ENAH: variants seen among roughly 807,000 people sequenced by gnomAD.
ENAH encodes the protein protein enabled homolog.
Under a neutral mutation model 78.7 loss-of-function variants are expected in ENAH, and 23 were observed. The ratio of observed to expected loss-of-function variants is 0.29; its 90% CI spans 0.21 to 0.41. The LOEUF (loss-of-function observed/expected upper bound fraction) is 0.41. Among genes scored for constraint, ENAH ranks in the 10% least tolerant of loss-of-function variants. ENAH has a pLI of 1.00. For synonymous variants in ENAH, 226 were observed against 241.0 expected, an observed-to-expected ratio of 0.94 and a Z score of 0.58; for missense variants, 544 against 691.0, an observed-to-expected ratio of 0.79 and a Z score of 2.39.
intron 2 of ENAH, among the ~76,000 whole-genome samples, chr1:225,561,229 C>G (rs2096703765): frequency 6.6e-6 from 1 of 151,850 alleles, no homozygotes; most frequent in South Asian, 2.1e-4. Context: ...GACTCCGTCT[C>G]AAAAACAAAA....
At chr1:225,607,797 C>T (rs1254021861) in intron 1 of ENAH, among the ~76,000 whole-genome samples, 3 of 152,040 alleles carry the variant, frequency 2.0e-5, no homozygotes, top group African/African-American at 7.2e-5. Context: ...AACAAAACAG[C>T]CTAAAAAAGA....
intron 11 of ENAH, among the ~76,000 whole-genome samples, chr1:225,504,830 A>T (rs2096313067): frequency 6.6e-6 from 1 of 152,240 alleles, no homozygotes; most frequent in Admixed American, 6.5e-5. Flanking sequence ...TTTATCCTTG[A>T]ATCCAACTGT....
At chr1:225,578,398 C>T (rs1020204086) in intron 1 of ENAH, among the ~76,000 whole-genome samples, 5 of 152,148 alleles carry the variant, frequency 3.3e-5, no homozygotes, top group Admixed American at 2.0e-4. Context: ...CCACTTCAGC[C>T]CAGGAGTGCA....
intron 1 of ENAH, among the ~76,000 whole-genome samples, chr1:225,649,988 C>T (rs12039453): frequency 0.059 from 9,035 of 152,242 alleles, 375 homozygotes; most frequent in East Asian, 0.13. Flanking sequence ...CTAACATTAA[C>T]GTCCCACAGG....
Position 225,487,675 on chromosome 1 carries a change from C to T in ENAH, c.*10100G>A, listed in dbSNP as rs1291230580. 1 of 152,184 alleles carries T rather than the reference C, an allele frequency of 6.6e-6. No individual in the cohort carries two copies. The highest frequency in any genetic ancestry group is 1.5e-5 in the Non-Finnish European group (1 of 68,034). 9.4% of individuals were successfully genotyped at this position (152,184 alleles called of 1,614,324 possible). A position where few individuals can be genotyped will look rare whatever the true frequency, so the allele number is the denominator to read the frequency against. ...GTATACGCAACCTTAGGCTCACTTC[C>T]AGATTATAAAGTCCCATTCATGGGG... is the stretch of plus-strand genomic sequence containing the variant. On this transcript the variant is annotated 3_prime_UTR_variant, in exon 14 of 14. Transcript: ENST00000366843.
At chr1:225,650,715 T>C (rs1009190215) in intron 1 of ENAH, among the ~76,000 whole-genome samples, 9 of 151,686 alleles carry the variant, frequency 5.9e-5, no homozygotes, top group Non-Finnish European at 4.4e-5. Flanking sequence ...CCGGGCGTGG[T>C]GATACCCGCC....
At chr1:225,545,120 G>C (rs2096607124) in intron 3 of ENAH, among the ~76,000 whole-genome samples, 1 of 152,106 alleles carries the variant, frequency 6.6e-6, no homozygotes, top group Non-Finnish European at 1.5e-5. Flanking sequence ...GAGGAGAGAA[G>C]ATGAAATACA....
chr1:225,555,345 G>A (rs2096660960), intron 2 of ENAH, among the ~76,000 whole-genome samples: 1 of 152,100 alleles, frequency 6.6e-6, no homozygotes, highest in Non-Finnish European at 1.5e-5. Flanking sequence ...CTTTGGGAGG[G>A]CTCGAGGCAG....
At chr1:225,580,413 T>A (rs1352056781) in intron 1 of ENAH, among the ~76,000 whole-genome samples, 1 of 152,112 alleles carries the variant, frequency 6.6e-6, no homozygotes, top group Non-Finnish European at 1.5e-5. Flanking sequence ...ATGACTTCAG[T>A]TGAGACTGCA....
intron 1 of ENAH, among the ~76,000 whole-genome samples, chr1:225,616,094 G>A (rs1179837641): frequency 6.6e-6 from 1 of 152,050 alleles, no homozygotes; most frequent in Non-Finnish European, 1.5e-5. Flanking sequence ...TAAGGGCGGA[G>A]CAAGATGTGC....
chr1:225,611,748 C>T (rs898359716), intron 1 of ENAH, among the ~76,000 whole-genome samples: 8 of 152,172 alleles, frequency 5.3e-5, no homozygotes, highest in Admixed American at 5.2e-4. Context: ...GTTCACACCA[C>T]TGCACTCCAG....
In ENAH at chr1:225,494,461, G is replaced by T. The variant is rs1234566053; in HGVS notation, c.*3314C>A. The T allele has an allele frequency of 6.6e-6, 1 of 152,122 alleles. No homozygotes were observed. The highest frequency in any genetic ancestry group is 2.4e-5 in the African/African-American group (1 of 41,424). 9.4% of individuals were successfully genotyped at this position (152,122 alleles called of 1,614,324 possible). On this transcript the variant is annotated 3_prime_UTR_variant, in exon 14 of 14. Coordinates refer to ENST00000366843, the MANE Select transcript of ENAH (RefSeq NM_018212.6). ...AAAGGATAATTCTAACTGCATGAAT[G>T]AGTTTTAAGTACCTGAACGTGTTGC...
chr1:225,559,490 GAAGT>G (rs2096688318), intron 2 of ENAH, among the ~76,000 whole-genome samples: 2 of 152,090 alleles, frequency 1.3e-5, no homozygotes. Flanking sequence ...GTTACTAACA[GAAGT>G]AAGTTAAAGT....
chr1:225,529,531 T>C (rs1480405792), intron 4 of ENAH, among the ~76,000 whole-genome samples: 1 of 152,200 alleles, frequency 6.6e-6, no homozygotes, highest in African/African-American at 2.4e-5. Flanking sequence ...TGTTGCATTT[T>C]TCCCCATAGC....
At chr1:225,558,504 G>A (rs562636223) in intron 2 of ENAH, among the ~76,000 whole-genome samples, 1 of 150,216 alleles carries the variant, frequency 6.7e-6, no homozygotes, top group East Asian at 2.0e-4. Flanking sequence ...GATTCACAGT[G>A]ATGTCCCTTC....
chr1:225,589,836 T>C (rs950180883), intron 1 of ENAH, among the ~76,000 whole-genome samples: 1 of 152,044 alleles, frequency 6.6e-6, no homozygotes, highest in Non-Finnish European at 1.5e-5. Context: ...ATTCTTGAAA[T>C]TTTTCATAAT....
At chr1:225,563,748 C>A (rs1025017921) in intron 2 of ENAH, among the ~76,000 whole-genome samples, 2 of 152,134 alleles carry the variant, frequency 1.3e-5, no homozygotes, top group Non-Finnish European at 2.9e-5. Context: ...CTCTCCCAAA[C>A]GTGTTCTGTG....
chr1:225,561,780 GT>G (rs1390184980), intron 2 of ENAH, among the ~76,000 whole-genome samples: 1 of 152,030 alleles, frequency 6.6e-6, no homozygotes, highest in Non-Finnish European at 1.5e-5. Context: ...TAGACTGGTG[GT>G]GACGTTCCAT....
intron 3 of ENAH, among the ~76,000 whole-genome samples, chr1:225,531,392 G>A (rs2096536789): frequency 6.6e-6 from 1 of 152,028 alleles, no homozygotes; most frequent in African/African-American, 2.4e-5. Context: ...TTGCATCTTA[G>A]ATAGAATGCC....
Sources: gnomAD v4.1 joint callset for allele counts (sites outside exome capture counted in the v4.1 genomes callset) on GRCh38, gnomAD v4.1.1 for gene constraint, MANE v1.5 for transcripts, NCBI Gene and HGNC (gene_info 2026-07-23, HGNC 2026-07-21) for gene names.